KCNIP4: variants seen among roughly 807,000 people sequenced by gnomAD.
KCNIP4 encodes the protein Kv channel-interacting protein 4.
KCNIP4 carries 12 observed loss-of-function variants against 34.0 expected under a neutral mutation model. The observed-to-expected ratio is 0.35, with a 90% confidence interval of 0.23 to 0.57. The LOEUF (loss-of-function observed/expected upper bound fraction) is 0.57, where lower values mean the gene tolerates loss of function less well. KCNIP4 is among the 20% of genes least tolerant of loss of function. The probability of loss-of-function intolerance (pLI) is 0.83; values close to 1 mark genes in which losing one functional copy is unlikely to be tolerated. For synonymous variants in KCNIP4, 124 were observed against 102.2 expected (o/e 1.21, Z -1.29); for missense variants, 238 against 311.7 (o/e 0.76, Z 1.78).
At chr4:21,812,520 T>C (rs970206007) in intron 1 of KCNIP4, among the ~76,000 whole-genome samples, 1 of 151,922 alleles carries the variant, frequency 6.6e-6, no homozygotes. Flanking sequence ...TGTCAAGAGG[T>C]TGGGCTAGTT....
intron 1 of KCNIP4, among the ~76,000 whole-genome samples, chr4:21,648,517 GC>G (rs1747210336): frequency 6.6e-6 from 1 of 152,056 alleles, no homozygotes; most frequent in African/African-American, 2.4e-5. Context: ...GTAATATCTT[GC>G]CTGAAATGGA....
intron 1 of KCNIP4, among the ~76,000 whole-genome samples, chr4:20,974,407 A>C (rs1735280828): frequency 6.6e-6 from 1 of 151,942 alleles, no homozygotes; most frequent in Admixed American, 6.6e-5. Flanking sequence ...GTGGTATAAA[A>C]GAGAGGGTGG....
intron 1 of KCNIP4, among the ~76,000 whole-genome samples, chr4:21,575,804 A>G (rs1384825028): frequency 3.3e-5 from 5 of 152,346 alleles, no homozygotes; most frequent in African/African-American, 1.2e-4. Flanking sequence ...AAGTATCACA[A>G]ATTATATTAT....
intron 1 of KCNIP4, among the ~76,000 whole-genome samples, chr4:21,099,296 G>A (rs1361523606): frequency 6.6e-6 from 1 of 152,136 alleles, no homozygotes; most frequent in African/African-American, 2.4e-5. Context: ...CCATAAAAAT[G>A]AATAAGATCA....
chr4:20,811,514 TGCGCGC>T lies in KCNIP4; in HGVS notation c.288+39023_288+39028del, dbSNP rs746711909. On this transcript the variant is annotated intron_variant, in intron 3 of 8. Coordinates refer to ENST00000382152, the MANE Select transcript of KCNIP4 (RefSeq NM_025221.6). ...GCATGTGTGTGTGTGTGTGTGTGTG[TGCGCGC>T]GCGCACGCGTGCACGCCAGAGGGGA... is the stretch of plus-strand genomic sequence containing the variant. Among the ~76,000 whole-genome samples, 11 of 80,708 alleles carry T rather than the reference TGCGCGC, an allele frequency of 1.4e-4. No homozygotes were observed. The South Asian group carries it at 2.2e-3, about 16-fold the overall frequency. The allele number at this position is 80,708 out of a possible 152,430, so 52.9% of individuals were successfully genotyped here.
intron 1 of KCNIP4, among the ~76,000 whole-genome samples, chr4:20,885,522 A>G (rs959909617): frequency 6.6e-6 from 1 of 152,098 alleles, no homozygotes; most frequent in African/African-American, 2.4e-5. Flanking sequence ...CCCATCAACT[A>G]TCCTTGAAAA....
chr4:21,658,642 C>A (rs998835220), intron 1 of KCNIP4, among the ~76,000 whole-genome samples: 3 of 152,148 alleles, frequency 2.0e-5, no homozygotes, highest in Admixed American at 1.3e-4. Flanking sequence ...ACCTTGTCAT[C>A]TGGCCACCTC....
intron 3 of KCNIP4, among the ~76,000 whole-genome samples, chr4:20,817,872 C>T (rs1312774033): frequency 6.6e-6 from 1 of 152,168 alleles, no homozygotes; most frequent in Non-Finnish European, 1.5e-5. Context: ...GTGGTGCAAG[C>T]ACTGCCTAAC....
intron 1 of KCNIP4, among the ~76,000 whole-genome samples, chr4:21,144,833 A>G (rs1209766132): frequency 6.6e-6 from 1 of 152,058 alleles, no homozygotes; most frequent in Non-Finnish European, 1.5e-5. Context: ...AGCATCTACC[A>G]TCTCTTGTAG....
intron 1 of KCNIP4, among the ~76,000 whole-genome samples, chr4:21,052,479 T>C (rs1437461000): frequency 1.3e-5 from 2 of 152,118 alleles, no homozygotes; most frequent in African/African-American, 2.4e-5. Flanking sequence ...TTACAGACCA[T>C]TGGGGATATA....
At chr4:21,110,848 C>A (rs867171302) in intron 1 of KCNIP4, among the ~76,000 whole-genome samples, 2 of 152,164 alleles carry the variant, frequency 1.3e-5, no homozygotes, top group Non-Finnish European at 2.9e-5. Context: ...CAATATTGGA[C>A]TTCCTACAGA....
chr4:21,917,505 T>C (rs1394536493), intron 1 of KCNIP4, among the ~76,000 whole-genome samples: 1 of 152,132 alleles, frequency 6.6e-6, no homozygotes, highest in Non-Finnish European at 1.5e-5. Flanking sequence ...CCACTATCAA[T>C]GCCATTTTTC....
At chr4:21,711,624 C>T (rs75667275) in intron 1 of KCNIP4, among the ~76,000 whole-genome samples, 3,436 of 152,048 alleles carry the variant, frequency 0.023, 127 homozygotes, top group African/African-American at 0.071. Flanking sequence ...TACAGATTAA[C>T]GAAAAACTGA....
intron 1 of KCNIP4, among the ~76,000 whole-genome samples, chr4:21,461,422 A>C (rs962889929): frequency 5.3e-5 from 7 of 132,624 alleles, no homozygotes; most frequent in African/African-American, 7.6e-5. Flanking sequence ...TAGCTTGTGA[A>C]GTTTTTTTTT....
chr4:21,751,560 G>C (rs924459844), intron 1 of KCNIP4, among the ~76,000 whole-genome samples: 1 of 152,030 alleles, frequency 6.6e-6, no homozygotes, highest in African/African-American at 2.4e-5. Context: ...CTAGGTAAAG[G>C]GTGCATAAGC....
intron 1 of KCNIP4, among the ~76,000 whole-genome samples, chr4:21,798,635 A>C (rs1173180226): frequency 2.0e-5 from 3 of 151,272 alleles, no homozygotes; most frequent in African/African-American, 4.8e-5. Context: ...CAATAGATTA[A>C]GAGAATGAGA....
intron 3 of KCNIP4, among the ~76,000 whole-genome samples, chr4:20,759,285 C>T (rs976061169): frequency 6.6e-6 from 1 of 152,158 alleles, no homozygotes; most frequent in African/African-American, 2.4e-5. Context: ...TCTGAACTCA[C>T]ATAATCTTCG....
chr4:21,660,918 C>A (rs972777397), intron 1 of KCNIP4, among the ~76,000 whole-genome samples: 1 of 152,146 alleles, frequency 6.6e-6, no homozygotes, highest in Non-Finnish European at 1.5e-5. Context: ...ACCCTCAAGC[C>A]TGGAAACTTG....
At chr4:20,793,506 T>C (rs891285203) in intron 3 of KCNIP4, among the ~76,000 whole-genome samples, 1 of 152,130 alleles carries the variant, frequency 6.6e-6, no homozygotes, top group Non-Finnish European at 1.5e-5. Flanking sequence ...GGTATATTCA[T>C]ATGTAAAAAC....
Sources: allele counts gnomAD v4.1 joint callset (sites outside exome capture counted in the v4.1 genomes callset), GRCh38; gene constraint gnomAD v4.1.1; transcripts MANE v1.5; gene names NCBI Gene and HGNC (gene_info 2026-07-23, HGNC 2026-07-21).